Variants in DMTF1 observed in about 807,000 individuals in gnomAD.
DMTF1 encodes cyclin-D-binding Myb-like transcription factor 1.
Under a neutral mutation model 91.1 loss-of-function variants are expected in DMTF1, and 39 were observed. The ratio of observed to expected loss-of-function variants is 0.43; its 90% CI spans 0.33 to 0.56. The LOEUF (loss-of-function observed/expected upper bound fraction) is 0.56, where lower values mean the gene tolerates loss of function less well. Ranked by LOEUF, DMTF1 falls within the 20% of genes least tolerant of loss-of-function variation. The probability of loss-of-function intolerance (pLI) is 0.05; values close to 1 mark genes in which losing one functional copy is unlikely to be tolerated. For synonymous variants in DMTF1, 338 were observed against 309.5 expected (o/e 1.09, Z -0.97); for missense variants, 750 against 914.5 (o/e 0.82, Z 2.32).
At chr7:87,181,001 G>A (rs968162122) in intron 8 of DMTF1, among the ~76,000 whole-genome samples, 11 of 151,724 alleles carry the variant, frequency 7.3e-5, no homozygotes, top group African/African-American at 2.7e-4. Context: ...GATTACAGGC[G>A]CCTGCCACCA....
chr7:87,152,772 C>G lies in DMTF1; in HGVS notation c.-132+217C>G, dbSNP rs1174365530. On this transcript the variant is annotated intron_variant, in intron 1 of 17. Coordinates refer to ENST00000331242, the MANE Select transcript of DMTF1 (RefSeq NM_001142327.2). ...GCCTCCCTCTTAGGGCCGGGCGGTGCCCGTGGCTCAGGCTGCAGAGTAGGG... is the reference window on the plus strand; with the variant it reads ...GCCTCCCTCTTAGGGCCGGGCGGTGGCCGTGGCTCAGGCTGCAGAGTAGGG... 3.9e-5 allele frequency: 6 copies of G among 154,536 alleles called. No homozygotes were observed. In the East Asian group the frequency reaches 1.2e-3, roughly 30 times the overall value. The allele number at this position is 154,536 out of a possible 1,614,324, so 9.6% of individuals were successfully genotyped here.
chr7:87,170,362 T>G (rs1373049060), intron 4 of DMTF1, among the ~76,000 whole-genome samples: 2 of 152,184 alleles, frequency 1.3e-5, no homozygotes, highest in African/African-American at 2.4e-5. Context: ...ATTCCACTAT[T>G]CAAAATCTTC....
chr7:87,186,253 A>G (rs952935555), intron 12 of DMTF1: 2 of 377,986 alleles, frequency 5.3e-6, no homozygotes, highest in African/African-American at 4.1e-5. Context: ...CCACATAACG[A>G]TTTAATTTTT....
rs751829834 is a variant in DMTF1 at position 87,193,362 on chromosome 7, C to T, written c.1650+9C>T. 1 of 1,612,696 alleles carries T rather than the reference C, an allele frequency of 6.2e-7. No individual in the cohort carries two copies. Among genetic ancestry groups the T allele is most frequent in the Non-Finnish European group, 8.5e-7 (1 of 1,179,168 alleles). ...TTGTTCATGCTTTATCCGTATGTTA[C>T]ATAAATTACTTGATTTTTGAGTACC... On this transcript the variant is annotated intron_variant, in intron 15 of 17. Transcript: ENST00000331242.
chr7:87,193,382 A>C (rs564163201), intron 15 of DMTF1, 29 bp downstream of exon 15: 1 of 1,610,440 alleles, frequency 6.2e-7, no homozygotes, highest in African/African-American at 1.3e-5. Context: ...TTGATTTTTG[A>C]GTACCTGTTA....
At chr7:87,180,179 G>A (rs1562826259) in intron 8 of DMTF1, among the ~76,000 whole-genome samples, 1 of 152,120 alleles carries the variant, frequency 6.6e-6, no homozygotes, top group African/African-American at 2.4e-5. Context: ...TTCTTCAAAT[G>A]CAATGATTAT....
chr7:87,188,940 A>G (rs1247601815), intron 13 of DMTF1, among the ~76,000 whole-genome samples: 1 of 152,198 alleles, frequency 6.6e-6, no homozygotes, highest in Non-Finnish European at 1.5e-5. Context: ...AATGAGGATG[A>G]AATTCTCAGA....
intron 1 of DMTF1, chr7:87,154,250 T>C (rs1381623487): frequency 6.6e-6 from 1 of 152,262 alleles, no homozygotes; most frequent in East Asian, 1.9e-4. Context: ...CCAGCCTGAT[T>C]GTATCTGGAA....
Position 87,166,589 on chromosome 7 carries a change from A to G in DMTF1, c.216A>G (p.Ser72=), listed in dbSNP as rs756308993. The G allele has an allele frequency of 2.5e-6, 4 of 1,612,604 alleles. No individual in the cohort carries two copies. In the African/African-American group the frequency reaches 4.0e-5, roughly 16 times the overall value. ...QSIDDSTPCI[S]VVALPLSEND... ...TTGATGATTCTACTCCTTGCATATCAGTTGTTGCACTTCCACGTAAGTCAC... is the reference window on the plus strand; with the variant it reads ...TTGATGATTCTACTCCTTGCATATCGGTTGTTGCACTTCCACGTAAGTCAC... Residue 72 remains serine (S), a synonymous_variant, in exon 4 of 18, where the codon TCA becomes TCG. Coordinates refer to ENST00000331242, the MANE Select transcript of DMTF1 (RefSeq NM_001142327.2).
At chr7:87,172,225 GAC>G (rs1180090906) in intron 5 of DMTF1, among the ~76,000 whole-genome samples, 2 of 152,122 alleles carry the variant, frequency 1.3e-5, no homozygotes, top group Non-Finnish European at 2.9e-5. Flanking sequence ...AGAAGCCTTA[GAC>G]ACATATAGTC....
intron 6 of DMTF1, among the ~76,000 whole-genome samples, chr7:87,173,981 CTT>C (rs1562812064): frequency 6.6e-6 from 1 of 152,110 alleles, no homozygotes; most frequent in African/African-American, 2.4e-5. Flanking sequence ...GGTCTACTAA[CTT>C]TGGTCTGATA....
At chr7:87,167,155 T>A (rs1189411158) in intron 4 of DMTF1, among the ~76,000 whole-genome samples, 4 of 152,238 alleles carry the variant, frequency 2.6e-5, no homozygotes, top group Non-Finnish European at 5.9e-5. Context: ...TACATACTCT[T>A]AACCCCAATG....
Position 87,173,547 on chromosome 7 carries a change from G to A in DMTF1, c.340G>A (p.Glu114Lys). The change falls in exon 6 of 18, where the codon GAG becomes AAG. Residue 114 changes from glutamate to lysine, a missense_variant. By Grantham distance (56) the Glu-to-Lys change is moderately conservative (BLOSUM62 1). Around this residue, in one of 3 missense-constraint regions of DMTF1, gnomAD observed 150 missense variants for 150.4 expected, o/e 1.00. Coordinates refer to ENST00000331242, the MANE Select transcript of DMTF1 (RefSeq NM_001142327.2). Reference protein sequence around the residue: ...TVTQIQILQNEQLDEISPLGN... With the variant: ...TVTQIQILQNKQLDEISPLGN... Reference sequence around the variant, plus strand: ...TTACCTTTTCAAGATTTTGCAGAATGAGCAACTAGATGAAATATCTCCCTT... The same window carrying A: ...TTACCTTTTCAAGATTTTGCAGAATAAGCAACTAGATGAAATATCTCCCTT... 1 of 1,602,590 alleles carries A rather than the reference G, an allele frequency of 6.2e-7. No homozygotes were observed. The highest frequency in any genetic ancestry group is 2.3e-5 in the East Asian group (1 of 44,438).
Position 87,174,590 on chromosome 7 carries a change from A to C in DMTF1, c.443-3A>C, listed in dbSNP as rs1177972111. On this transcript the variant is annotated splice_polypyrimidine_tract_variant and splice_region_variant and intron_variant, in intron 6 of 17. Transcript: ENST00000331242. ...TTATAACATTACTTGTTTTCTTTTA[A>C]AGGACATAAATGGAAGCAGGGGATG... The C allele has an allele frequency of 6.3e-7, 1 of 1,594,406 alleles. No individual in the cohort carries two copies. Among genetic ancestry groups the C allele is most frequent in the Admixed American group, 1.7e-5 (1 of 58,614 alleles).
At chr7:87,194,477 A>ACAGTATTGTTTCTTCTGTTATATTTAG in intron 16 of DMTF1, 1 of 517,052 alleles carries the variant, frequency 1.9e-6, no homozygotes, top group Non-Finnish European at 3.4e-6. Context: ...CTGACCTATA[A>ACAGTATTGTTTCTTCTGTTATATTTAG]CTGACCTAGT....
chr7:87,161,464 T>A (rs1023800088), intron 1 of DMTF1, among the ~76,000 whole-genome samples: 1 of 152,208 alleles, frequency 6.6e-6, no homozygotes. Context: ...ATCGTGCCAC[T>A]GCACTACAGC....
At chr7:87,174,285 C>CT (rs1454582539) in intron 6 of DMTF1, among the ~76,000 whole-genome samples, 1 of 152,008 alleles carries the variant, frequency 6.6e-6, no homozygotes, top group African/African-American at 2.4e-5. Flanking sequence ...GCATGTTTGG[C>CT]TTTTTTTATT....
chr7:87,194,671 T>TA lies in DMTF1; in HGVS notation c.2029-11dup, dbSNP rs1488228888. On this transcript the variant is annotated splice_polypyrimidine_tract_variant and intron_variant, in intron 16 of 17. Transcript: ENST00000331242. ...AGAATATGAGTCAATATTTTTTTTT[T>TA]AATGTTATTTAGGGTTTAGAGTCTC... 1.9e-6 allele frequency: 3 copies of TA among 1,582,330 alleles called. No individual in the cohort carries two copies. The highest frequency in any genetic ancestry group is 1.7e-5 in the Admixed American group (1 of 58,438).
chr7:87,172,710 G>A lies in DMTF1; in HGVS notation c.328-825G>A, dbSNP rs1465198245. Reference sequence around the variant, plus strand: ...GTGACTCTTCCCTTATTCTGCTTACGATAGGCTAATACCTCATACGGTAGC... The same window carrying A: ...GTGACTCTTCCCTTATTCTGCTTACAATAGGCTAATACCTCATACGGTAGC... On this transcript the variant is annotated intron_variant, in intron 5 of 17. Transcript: ENST00000331242. Among the ~76,000 whole-genome samples, 7 of 152,310 alleles carry A rather than the reference G, an allele frequency of 4.6e-5. No individual in the cohort carries two copies. The East Asian group carries it at 1.4e-3, about 29-fold the overall frequency.
Sources: allele counts gnomAD v4.1 joint callset (sites outside exome capture counted in the v4.1 genomes callset), GRCh38; gene constraint gnomAD v4.1.1; regional missense constraint gnomAD v4.1.1; transcripts MANE v1.5; gene names NCBI Gene and HGNC (gene_info 2026-07-23, HGNC 2026-07-21).